Variants in RAB22A observed in about 807,000 individuals in gnomAD.
RAB22A encodes the protein ras-related protein Rab-22A.
In RAB22A, 13 loss-of-function variants were observed where a neutral mutation model predicts 30.2. The ratio of observed to expected loss-of-function variants is 0.43; its 90% confidence interval spans 0.28 to 0.68. The LOEUF (loss-of-function observed/expected upper bound fraction) is 0.68. RAB22A is among the 30% of genes least tolerant of loss of function. The probability of loss-of-function intolerance (pLI) is 0.18; values close to 1 mark genes in which losing one functional copy is unlikely to be tolerated. For synonymous variants in RAB22A, 89 were observed against 87.2 expected (o/e 1.02, Z -0.11); for missense variants, 177 against 246.8 (o/e 0.72, Z 1.89).
intron 3 of RAB22A, among the ~76,000 whole-genome samples, chr20:58,344,853 C>G (rs1217445148): frequency 5.3e-5 from 8 of 152,184 alleles, no homozygotes; most frequent in Admixed American, 5.2e-4. Context: ...TAAGTTTGCT[C>G]TGTTTGGTTT....
chr20:58,334,068 C>T (rs1235893827), intron 2 of RAB22A, among the ~76,000 whole-genome samples: 1 of 152,010 alleles, frequency 6.6e-6, no homozygotes, highest in Admixed American at 6.6e-5. Context: ...CAGTGGCTCA[C>T]ACCTGTAATC....
chr20:58,322,464 A>G (rs1196987028), intron 2 of RAB22A, among the ~76,000 whole-genome samples: 5 of 152,248 alleles, frequency 3.3e-5, no homozygotes, highest in Non-Finnish European at 7.3e-5. Flanking sequence ...TCTGTTGTAT[A>G]GCACTGATTT....
chr20:58,314,176 A>G (rs547508450), intron 2 of RAB22A, among the ~76,000 whole-genome samples: 12 of 151,520 alleles, frequency 7.9e-5, no homozygotes, highest in African/African-American at 2.9e-4. Flanking sequence ...AGCCTCCCAT[A>G]TAGTTGGGAC....
Position 58,359,792 on chromosome 20 carries a change from T to A in RAB22A, c.*89T>A. 8.4e-7 allele frequency: 1 copy of A among 1,190,110 alleles called. No homozygotes were observed. Among genetic ancestry groups the A allele is most frequent in the Non-Finnish European group, 1.2e-6 (1 of 829,710 alleles). The allele number at this position is 1,190,110 out of a possible 1,614,324, so 73.7% of individuals were successfully genotyped here. On this transcript the variant is annotated 3_prime_UTR_variant, in exon 7 of 7. Coordinates refer to ENST00000244040, the MANE Select transcript of RAB22A (RefSeq NM_020673.3). ...GGGGTCCCTGCCACCAGTTTTCACCTAGCCAGTCTTGAGTCTTCTCCGTGC... is the reference window on the plus strand; with the variant it reads ...GGGGTCCCTGCCACCAGTTTTCACCAAGCCAGTCTTGAGTCTTCTCCGTGC...
Position 58,314,931 on chromosome 20 carries a change from T to C in RAB22A, c.116+3809T>C, listed in dbSNP as rs534607007. On this transcript the variant is annotated intron_variant, in intron 2 of 6. Transcript: ENST00000244040. ...GACGGTGGGTAGAAAAGAACCAGAA[T>C]GGGCATGAGGGACAGCAAGGACCGT... Among the ~76,000 whole-genome samples the C allele has an allele frequency of 3.3e-5, 5 of 151,626 alleles. No individual in the cohort carries two copies. The East Asian group carries it at 9.7e-4, about 30-fold the overall frequency.
chr20:58,333,295 A>AAATAAATAAATG (rs2122946855), intron 2 of RAB22A, among the ~76,000 whole-genome samples: 1 of 151,822 alleles, frequency 6.6e-6, no homozygotes, highest in South Asian at 2.1e-4. Context: ...ATAAATAAAT[A>AAATAAATAAATG]AATAAATAAA....
rs777078766 is a variant in RAB22A, at chr20:58,363,730, T to G, written c.*4027T>G. The G allele has an allele frequency of 6.6e-6, 1 of 152,250 alleles. No homozygotes were observed. Among genetic ancestry groups the G allele is most frequent in the Non-Finnish European group, 1.5e-5 (1 of 68,048 alleles). 9.4% of individuals were successfully genotyped at this position (152,250 alleles called of 1,614,324 possible). On this transcript the variant is annotated 3_prime_UTR_variant, in exon 7 of 7. Coordinates refer to ENST00000244040, the MANE Select transcript of RAB22A (RefSeq NM_020673.3). ...TGGAATGTACCTTCAGGGGTCAAGC[T>G]GTTAACTGTATACCTGCCTCTAGTT...
intron 2 of RAB22A, among the ~76,000 whole-genome samples, chr20:58,313,272 A>G (rs1284140779): frequency 1.3e-5 from 2 of 152,068 alleles, no homozygotes; most frequent in Non-Finnish European, 2.9e-5. Context: ...TTTGGCTCAC[A>G]TTTTCACAGG....
At chr20:58,341,751 G>T (rs78941534) in intron 2 of RAB22A, among the ~76,000 whole-genome samples, 8,343 of 152,208 alleles carry the variant, frequency 0.055, 349 homozygotes, top group Non-Finnish European at 0.086. Flanking sequence ...GTAAATGCTT[G>T]GCAGGTAGGT....
chr20:58,353,132 A>G (rs1465072327), intron 3 of RAB22A, 141 bp from the exon 4 acceptor site: 6 of 741,552 alleles, frequency 8.1e-6, no homozygotes, highest in Non-Finnish European at 1.1e-5. Context: ...TTACTGGTTC[A>G]TTTGCTTTAA....
At chr20:58,343,254 T>G (rs1453429923) in intron 2 of RAB22A, among the ~76,000 whole-genome samples, 1 of 152,190 alleles carries the variant, frequency 6.6e-6, no homozygotes, top group Admixed American at 6.5e-5. Flanking sequence ...TTAATTCGCA[T>G]GTTAACACTA....
At chr20:58,340,538 T>A (rs1417065604) in intron 2 of RAB22A, among the ~76,000 whole-genome samples, 1 of 152,208 alleles carries the variant, frequency 6.6e-6, no homozygotes, top group Non-Finnish European at 1.5e-5. Flanking sequence ...GACAGCCACT[T>A]AGCTTGTAGG....
chr20:58,319,167 T>C (rs1986403312), intron 2 of RAB22A, among the ~76,000 whole-genome samples: 1 of 152,106 alleles, frequency 6.6e-6, no homozygotes. Flanking sequence ...TTCTTGACCC[T>C]TACCTCACAA....
chr20:58,356,072 A>T (rs1286729378), intron 6 of RAB22A, among the ~76,000 whole-genome samples: 1 of 152,198 alleles, frequency 6.6e-6, no homozygotes, highest in African/African-American at 2.4e-5. Context: ...GCACTTTGGG[A>T]AGCCAACATG....
intron 2 of RAB22A, among the ~76,000 whole-genome samples, chr20:58,343,435 G>A (rs1451324836): frequency 6.6e-6 from 1 of 152,022 alleles, no homozygotes; most frequent in African/African-American, 2.4e-5. Flanking sequence ...GTTTTACAAG[G>A]GAGGCTAATG....
rs766752917 is a variant in RAB22A, at chr20:58,359,694, C to T, written c.576C>T (p.Ser192=). 7 of 1,608,344 alleles carry T rather than the reference C, an allele frequency of 4.4e-6. No homozygotes were observed. In the Admixed American group the frequency reaches 1.2e-4, roughly 27 times the overall value. ...GACAGCCTTCAGAGCCAAAGCGGAG[C>T]TGCTGCTGACCGAACCTCAGCCTCT... is the stretch of plus-strand genomic sequence containing the variant. ...LRRQPSEPKR[S]CC is the part of the protein sequence containing the mutation. Residue 192 remains serine, a synonymous_variant, in exon 7 of 7, where the codon AGC becomes AGT. Coordinates refer to ENST00000244040, the MANE Select transcript of RAB22A (RefSeq NM_020673.3).
Position 58,359,709 on chromosome 20 carries a change from C to A in RAB22A, c.*6C>A. ...CAAAGCGGAGCTGCTGCTGACCGAA[C>A]CTCAGCCTCTCAGACTTGATGATGA... On this transcript the variant is annotated 3_prime_UTR_variant, in exon 7 of 7. Transcript: ENST00000244040. 1 of 1,598,626 alleles carries A rather than the reference C, an allele frequency of 6.3e-7. No homozygotes were observed. Among genetic ancestry groups the A allele is most frequent in the African/African-American group, 1.3e-5 (1 of 74,702 alleles).
Position 58,310,938 on chromosome 20 carries a change from G to A in RAB22A, c.37-105G>A, listed in dbSNP as rs3746404. 568 of 908,948 alleles carry A rather than the reference G, an allele frequency of 6.2e-4. 4 individuals carry two copies. The East Asian group carries it at 0.013, about 21-fold the overall frequency. 56.3% of individuals were successfully genotyped at this position (908,948 alleles called of 1,614,324 possible). ...GTTCCTCCGTTTATAAAATTTACAC[G>A]TCTAGGGTGATTTTTCTAAAATCCT... On this transcript the variant is annotated intron_variant, in intron 1 of 6. Transcript: ENST00000244040.
chr20:58,331,158 T>C (rs1568867795), intron 2 of RAB22A, among the ~76,000 whole-genome samples: 1 of 152,190 alleles, frequency 6.6e-6, no homozygotes, highest in Non-Finnish European at 1.5e-5. Flanking sequence ...GGTCTCTGTA[T>C]TTACTGTTTC....
Sources: allele counts gnomAD v4.1 joint callset (sites outside exome capture counted in the v4.1 genomes callset), GRCh38; gene constraint gnomAD v4.1.1; transcripts MANE v1.5; gene names NCBI Gene and HGNC (gene_info 2026-07-23, HGNC 2026-07-21).